PCTP: variants seen among roughly 807,000 people sequenced by gnomAD.
PCTP encodes the protein START domain-containing protein 2.
PCTP carries 27 observed loss-of-function variants against 31.0 expected under a neutral mutation model. The observed-to-expected ratio is 0.87, with a 90% CI of 0.64 to 1.20. The LOEUF (loss-of-function observed/expected upper bound fraction) is 1.20. Among genes scored for constraint, PCTP ranks in the 50% most tolerant of loss-of-function variants. The pLI, the probability that PCTP is intolerant of heterozygous loss-of-function variation, is 0.00. For synonymous variants in PCTP, 108 were observed against 101.2 expected (o/e 1.07, Z -0.40); for missense variants, 287 against 268.2 (o/e 1.07, Z -0.49).
downstream of PCTP, among the ~76,000 whole-genome samples, chr17:55,825,082 C>A (rs1326093771): frequency 6.6e-6 from 1 of 152,082 alleles, no homozygotes; most frequent in African/African-American, 2.4e-5. Context: ...TTTTTAATGT[C>A]TTTTCTTGTT....
chr17:55,805,846 G>T (rs1373859759), intron 3 of PCTP, among the ~76,000 whole-genome samples: 4 of 150,344 alleles, frequency 2.7e-5, no homozygotes, highest in African/African-American at 9.8e-5. Flanking sequence ...TTGAAGTAGG[G>T]TATGAGAACT....
At chr17:55,767,550 C>T (rs573565335) in intron 2 of PCTP, 98 bp downstream of exon 2, 29 of 747,350 alleles carry the variant, frequency 3.9e-5, no homozygotes, top group East Asian at 1.3e-4. Context: ...CCGCAATCTC[C>T]GCCTCCTGGG....
chr17:55,787,137 T>C (rs1460219359), intron 2 of PCTP, among the ~76,000 whole-genome samples: 1 of 151,634 alleles, frequency 6.6e-6, no homozygotes, highest in East Asian at 2.0e-4. Context: ...ATCGTCTTCA[T>C]TGTTTTTCTC....
Position 55,751,222 on chromosome 17 carries a change from G to T in PCTP, c.119G>T (p.Ser40Ile). 1 of 1,544,056 alleles carries T rather than the reference G, an allele frequency of 6.5e-7. No individual in the cohort carries two copies. The highest frequency in any genetic ancestry group is 8.7e-7 in the Non-Finnish European group (1 of 1,144,256). ...CTCCTAGTGGAGACCTCGGGCATCA[G>T]CATCTACCGGCTGCTGGACAAGGTA... ...WQLLVETSGI[S>I]IYRLLDKKTG... The change falls in exon 1 of 6, where the codon AGC becomes ATC. Residue 40 changes from serine to isoleucine, a missense_variant. Physicochemically the swap from Ser to Ile is moderately radical, Grantham distance 142 (BLOSUM62 -2). Coordinates refer to ENST00000268896, the MANE Select transcript of PCTP (RefSeq NM_021213.4).
chr17:55,783,058 T>G (rs893800515), intron 2 of PCTP, among the ~76,000 whole-genome samples: 6 of 152,104 alleles, frequency 3.9e-5, no homozygotes, highest in African/African-American at 1.4e-4. Context: ...CAATAATGCC[T>G]GAAAGATAGG....
At chr17:55,851,492 C>T in the PCTP span, among the ~76,000 whole-genome samples, 1 of 152,190 alleles carries the variant, frequency 6.6e-6, no homozygotes, top group Admixed American at 6.5e-5. Context: ...GTTTATTCTA[C>T]TACATTCAGC....
At chr17:55,809,125 T>A (rs1464783103) in intron 3 of PCTP, among the ~76,000 whole-genome samples, 1 of 152,224 alleles carries the variant, frequency 6.6e-6, no homozygotes, top group African/African-American at 2.4e-5. Context: ...ACTTCTTCTC[T>A]GTGTCCAAAT....
intron 3 of PCTP, among the ~76,000 whole-genome samples, chr17:55,816,651 T>C (rs975471711): frequency 6.6e-6 from 1 of 152,194 alleles, no homozygotes; most frequent in Non-Finnish European, 1.5e-5. Context: ...CATGGCCCCC[T>C]GTACTACTTG....
chr17:55,763,108 C>T (rs895546029), intron 1 of PCTP, among the ~76,000 whole-genome samples: 19 of 152,118 alleles, frequency 1.2e-4, no homozygotes, highest in Non-Finnish European at 2.5e-4. Flanking sequence ...CTTGAGTAAG[C>T]TTCTTTGGAG....
At chr17:55,791,017 T>G (rs1296644254) in intron 3 of PCTP, among the ~76,000 whole-genome samples, 2 of 151,650 alleles carry the variant, frequency 1.3e-5, no homozygotes, top group African/African-American at 2.4e-5. Context: ...TACAACTATC[T>G]GATCTTTGAC....
intron 5 of PCTP, among the ~76,000 whole-genome samples, chr17:55,839,841 A>AC (rs369988938): frequency 7.3e-6 from 1 of 137,418 alleles, no homozygotes; most frequent in African/African-American, 2.7e-5. Context: ...AATGGCGTGA[A>AC]CCCGGGAGGC....
At chr17:55,810,796 G>A (rs1056091712) in intron 3 of PCTP, among the ~76,000 whole-genome samples, 2 of 152,230 alleles carry the variant, frequency 1.3e-5, no homozygotes, top group Admixed American at 6.5e-5. Context: ...AGAACTATGT[G>A]TTGAGCTAAT....
chr17:55,801,270 C>A (rs1418955279), intron 3 of PCTP, among the ~76,000 whole-genome samples: 1 of 152,114 alleles, frequency 6.6e-6, no homozygotes, highest in African/African-American at 2.4e-5. Context: ...CAGTGGGAGA[C>A]TGTAATACCC....
chr17:55,751,528 G>A lies in PCTP; in HGVS notation c.141+284G>A. ...AGAAGTTAATGACAGTTGAAACGTG[G>A]GTCAGCTGGTTCCTAGGCCCGTGCA... On this transcript the variant is annotated intron_variant, in intron 1 of 5. Transcript: ENST00000268896. 6 of 1,477,378 alleles carry A rather than the reference G, an allele frequency of 4.1e-6. No homozygotes were observed. In the South Asian group the frequency reaches 7.3e-5, roughly 18 times the overall value. 91.5% of individuals were successfully genotyped at this position (1,477,378 alleles called of 1,614,324 possible).
At chr17:55,796,521 G>A (rs571269001) in intron 3 of PCTP, among the ~76,000 whole-genome samples, 7 of 152,112 alleles carry the variant, frequency 4.6e-5, no homozygotes, top group Admixed American at 2.0e-4. Flanking sequence ...ATGAGTGTAA[G>A]AAGGAAAGCA....
intron 3 of PCTP, among the ~76,000 whole-genome samples, chr17:55,810,741 G>A (rs975145008): frequency 3.9e-5 from 6 of 152,144 alleles, no homozygotes. Flanking sequence ...GTCCACTAGA[G>A]GAAACCATAG....
chr17:55,832,519 C>A (rs2145081365), intron 5 of PCTP, among the ~76,000 whole-genome samples: 3 of 152,280 alleles, frequency 2.0e-5, no homozygotes, highest in Admixed American at 2.0e-4. Context: ...TGGTGGTGTT[C>A]TTTCTTTGCT....
At position 55,776,335 on chromosome 17, in the gene PCTP, C is replaced by A; in HGVS notation, c.*235C>A. On this transcript the variant is annotated 3_prime_UTR_variant, in exon 6 of 6. Coordinates refer to ENST00000268896, the MANE Select transcript of PCTP (RefSeq NM_021213.4). Reference sequence around the variant, plus strand: ...CTCGTCTGCTTCCTTTCTCGCTCCCCCCATCCTGGGCTGGGCTGCCTTCTT... The same window carrying A: ...CTCGTCTGCTTCCTTTCTCGCTCCCACCATCCTGGGCTGGGCTGCCTTCTT... 8 of 1,360,058 alleles carry A rather than the reference C, an allele frequency of 5.9e-6. No individual in the cohort carries two copies. Among genetic ancestry groups the A allele is most frequent in the Admixed American group, 3.4e-5 (1 of 29,218 alleles). The allele number at this position is 1,360,058 out of a possible 1,614,324, so 84.2% of individuals were successfully genotyped here.
intron 3 of PCTP, among the ~76,000 whole-genome samples, chr17:55,819,582 T>C (rs1211935264): frequency 6.6e-6 from 1 of 151,832 alleles, no homozygotes; most frequent in African/African-American, 2.4e-5. Flanking sequence ...GAATCCCAAA[T>C]CCACAAAATA....
Sources: gnomAD v4.1 joint callset for allele counts (sites outside exome capture counted in the v4.1 genomes callset) on GRCh38, gnomAD v4.1.1 for gene constraint, MANE v1.5 for transcripts, NCBI Gene and HGNC (gene_info 2026-07-23, HGNC 2026-07-21) for gene names.